The following L3HYPDH variants were observed in gnomAD, a reference collection of about 807,000 sequenced individuals.
L3HYPDH encodes trans-3-hydroxy-L-proline dehydratase.
A neutral mutation model predicts 26.5 loss-of-function variants in L3HYPDH; 32 were observed. The ratio of observed to expected loss-of-function variants is 1.21; its 90% CI spans 0.91 to 1.62. L3HYPDH has a LOEUF of 1.62. Among genes scored for constraint, L3HYPDH ranks in the 40% most tolerant of loss-of-function variants. The pLI is 0.00. For synonymous variants in L3HYPDH, 215 were observed against 196.6 expected (o/e 1.09, Z -0.78); for missense variants, 554 against 476.4 (o/e 1.16, Z -1.52).
At chr14:59,505,169 A>G in the L3HYPDH span, 1 of 718,106 alleles carries the variant, frequency 1.4e-6, no homozygotes, top group Non-Finnish European at 2.2e-6. Context: ...GCTGCAAAAT[A>G]TGAAAGTAAG....
In L3HYPDH at chr14:59,479,206, T is replaced by C. The variant is rs753746967; in HGVS notation, c.654A>G (p.Ala218=). ...KTRDLVDAAS[A]VTEAVKAQFK... ...CCTGAGCTTTCACTGCCTCTGTCAC[T>C]GCACTCGCTGCATCCACAAGGTCCC... The change falls in exon 2 of 5, where the codon GCA becomes GCG. Residue 218 remains alanine, a synonymous_variant. Coordinates refer to ENST00000247194, the MANE Select transcript of L3HYPDH (RefSeq NM_144581.2). 10 of 1,609,746 alleles carry C rather than the reference T, an allele frequency of 6.2e-6. No individual in the cohort carries two copies. Among genetic ancestry groups the C allele is most frequent in the Non-Finnish European group, 8.5e-6 (10 of 1,179,150 alleles).
chr14:59,499,077 A>G, the L3HYPDH span, among the ~76,000 whole-genome samples: 1 of 123,438 alleles, frequency 8.1e-6, no homozygotes, highest in African/African-American at 3.2e-5. Context: ...AGGCTGGAGT[A>G]CAGTGGCATG....
In L3HYPDH at chr14:59,484,045, C is replaced by T. The variant is rs774619586; in HGVS notation, c.272G>A (p.Gly91Asp). Reference sequence around the variant, plus strand: ...GCCCTCGTTGTGCAGGAACAGGACGCCCAGATGCGCGTCCGGCAGCTCGCT... The same window carrying T: ...GCCCTCGTTGTGCAGGAACAGGACGTCCAGATGCGCGTCCGGCAGCTCGCT... The part of the protein sequence containing the change: ...VPSELPDAHL[G>D]VLFLHNEGYS... The change falls in exon 1 of 5, where the codon GGC (glycine) becomes GAC (aspartate). Residue 91 changes from glycine (G) to aspartate (D), a missense_variant. Transcript: ENST00000247194. The T allele has an allele frequency of 6.2e-7, 1 of 1,606,400 alleles. No homozygotes were observed. The highest frequency in any genetic ancestry group is 8.5e-7 in the Non-Finnish European group (1 of 1,179,478).
chr14:59,468,005 T>TA (rs1282420369), downstream of L3HYPDH, among the ~76,000 whole-genome samples: 2 of 152,218 alleles, frequency 1.3e-5, no homozygotes, highest in Non-Finnish European at 2.9e-5. Flanking sequence ...ACTGTTGTCC[T>TA]AACCGGTCTT....
chr14:59,489,799 A>G, the L3HYPDH span, among the ~76,000 whole-genome samples: 2 of 152,192 alleles, frequency 1.3e-5, no homozygotes, highest in African/African-American at 2.4e-5. Context: ...GCTTACAATC[A>G]TGGCAGAAGG....
chr14:59,484,057 T>C lies in L3HYPDH; in HGVS notation c.260A>G (p.Asp87Gly), dbSNP rs1224179544. The change falls in exon 1 of 5, where the codon GAC becomes GGC. Residue 87 changes from aspartate (D) to glycine (G), a missense_variant. Asp to Gly is a moderately conservative substitution (Grantham distance 94, BLOSUM62 -1). Transcript: ENST00000247194. ...GAVLVPSELP[D>G]AHLGVLFLHN... Reference sequence around the variant, plus strand: ...CAGGAACAGGACGCCCAGATGCGCGTCCGGCAGCTCGCTCGGGACTAGGAC... The same window carrying C: ...CAGGAACAGGACGCCCAGATGCGCGCCCGGCAGCTCGCTCGGGACTAGGAC... 6.2e-7 allele frequency: 1 copy of C among 1,606,932 alleles called. No individual in the cohort carries two copies. The highest frequency in any genetic ancestry group is 8.5e-7 in the Non-Finnish European group (1 of 1,179,594).
At chr14:59,492,998 CTG>C in the L3HYPDH span, among the ~76,000 whole-genome samples, 1 of 151,958 alleles carries the variant, frequency 6.6e-6, no homozygotes, top group East Asian at 1.9e-4. Flanking sequence ...CGGGGTTTCA[CTG>C]TGTTAGCCAG....
chr14:59,483,894 C>A lies in L3HYPDH; in HGVS notation c.423G>T (p.Leu141=). The A allele has an allele frequency of 1.3e-6, 2 of 1,566,914 alleles. No homozygotes were observed. The highest frequency in any genetic ancestry group is 8.6e-7 in the Non-Finnish European group (1 of 1,163,064). The part of the protein sequence containing the change: ...ARVNIHCPCG[L]VTAFVACEDG... ...CCTCGCATGCCACGAAGGCGGTCAC[C>A]AGCCCGCAGGGGCAGTGGATATTGA... Residue 141 remains leucine (L), a synonymous_variant, in exon 1 of 5, where the codon CTG becomes CTT. Transcript: ENST00000247194.
Position 59,473,093 on chromosome 14 carries a change from G to GA in L3HYPDH, c.940-4dup, listed in dbSNP as rs142508867. 1.3e-6 allele frequency: 2 copies of GA among 1,585,620 alleles called. No homozygotes were observed. Among genetic ancestry groups the GA allele is most frequent in the Admixed American group, 1.9e-5 (1 of 52,760 alleles). On this transcript the variant is annotated splice_polypyrimidine_tract_variant and splice_region_variant and intron_variant, in intron 4 of 4. Transcript: ENST00000247194. Reference sequence around the variant, plus strand: ...TTAAAATCACCACATTTCGCTTCCTGAAAAAAGATGAAGGGAGTATACTAT... The same window carrying GA: ...TTAAAATCACCACATTTCGCTTCCTGAAAAAAAGATGAAGGGAGTATACTAT...
chr14:59,486,255 G>A (rs956305884), upstream of L3HYPDH, among the ~76,000 whole-genome samples: 3 of 152,344 alleles, frequency 2.0e-5, no homozygotes, highest in East Asian at 5.8e-4. Flanking sequence ...CTTTTCCCAT[G>A]TGAAAATGTG....
chr14:59,498,992 T>C, the L3HYPDH span: 5 of 639,938 alleles, frequency 7.8e-6, no homozygotes, highest in East Asian at 3.3e-5. Context: ...TGGAGATTTT[T>C]CCTTAAGATA....
chr14:59,503,045 A>G, the L3HYPDH span, among the ~76,000 whole-genome samples: 146,306 of 151,988 alleles, frequency 0.96, 70,660 homozygotes, highest in East Asian at 1. Context: ...ACCACGCCTG[A>G]CCTTGAATTT....
intron 1 of L3HYPDH, among the ~76,000 whole-genome samples, chr14:59,480,847 G>A (rs1443758976): frequency 6.6e-6 from 1 of 152,216 alleles, no homozygotes; most frequent in Non-Finnish European, 1.5e-5. Context: ...AATGAAAAGA[G>A]AATGGGCAAG....
At chr14:59,466,694 C>G (rs1030622412) in intron 1 of L3HYPDH, among the ~76,000 whole-genome samples, 1 of 152,116 alleles carries the variant, frequency 6.6e-6, no homozygotes, top group Non-Finnish European at 1.5e-5. Context: ...GAAAAAATAT[C>G]CTACAGGAAA....
intron 4 of L3HYPDH, 67 bp downstream of exon 4, chr14:59,475,802 C>A: frequency 7.0e-7 from 1 of 1,436,294 alleles, no homozygotes. Context: ...TATCAAACAC[C>A]CAACTCAGGC....
chr14:59,503,923 T>A, the L3HYPDH span: 1 of 1,613,606 alleles, frequency 6.2e-7, no homozygotes, highest in Non-Finnish European at 8.5e-7. Context: ...ACTTCATGCC[T>A]ATGGAATAAT....
chr14:59,502,775 G>GGAGTCTCACTCTTTTTTTTTTTTTTGCA, the L3HYPDH span, among the ~76,000 whole-genome samples: 1 of 63,128 alleles, frequency 1.6e-5, no homozygotes, highest in Non-Finnish European at 3.4e-5. Flanking sequence ...TTTTTTTTTC[G>GGAGTCTCACTCTTTTTTTTTTTTTTGCA]GAGTCTCACT....
At chr14:59,481,636 G>A (rs1187788366) in intron 1 of L3HYPDH, among the ~76,000 whole-genome samples, 2 of 152,190 alleles carry the variant, frequency 1.3e-5, no homozygotes, top group Non-Finnish European at 2.9e-5. Context: ...TAGAAGATAC[G>A]AGAAGTACAA....
chr14:59,474,522 A>C, intron 4 of L3HYPDH: 1 of 700,234 alleles, frequency 1.4e-6, no homozygotes, highest in Non-Finnish European at 2.6e-6. Flanking sequence ...TTCTCATAAC[A>C]GCTCCTATAA....
Sources: allele counts gnomAD v4.1 joint callset (sites outside exome capture counted in the v4.1 genomes callset), GRCh38; gene constraint gnomAD v4.1.1; transcripts MANE v1.5; gene names NCBI Gene and HGNC (gene_info 2026-07-23, HGNC 2026-07-21).